RGPD2: variants seen among roughly 807,000 people sequenced by gnomAD.
RGPD2 encodes RANBP2-like and GRIP domain-containing protein 2.
Under a neutral mutation model 36.0 loss-of-function variants are expected in RGPD2, and 2 were observed. That is an observed-to-expected ratio of 0.06 (90% CI 0.02 to 0.17). The LOEUF (loss-of-function observed/expected upper bound fraction) is 0.17, where lower values mean the gene tolerates loss of function less well. Ranked by LOEUF, RGPD2 falls within the 10% of genes least tolerant of loss-of-function variation. The pLI, the probability that RGPD2 is intolerant of heterozygous loss-of-function variation, is 1.00. For synonymous variants in RGPD2, 19 were observed against 163.8 expected (o/e 0.12, Z 6.75); for missense variants, 40 against 464.3 (o/e 0.09, Z 8.40).
At chr2:87,853,099 C>T in the RGPD2 span, among the ~76,000 whole-genome samples, 2 of 152,306 alleles carry the variant, frequency 1.3e-5, no homozygotes, top group Non-Finnish European at 2.9e-5. Flanking sequence ...TCTGATGATT[C>T]ATTCCTGCCT....
chr2:87,879,268 C>T, the RGPD2 span, among the ~76,000 whole-genome samples: 3 of 151,760 alleles, frequency 2.0e-5, no homozygotes, highest in African/African-American at 4.8e-5. Context: ...GTATGCATCA[C>T]CTCAAGCATT....
chr2:87,827,483 G>A (rs1442265392), upstream of RGPD2, among the ~76,000 whole-genome samples: 1 of 140,464 alleles, frequency 7.1e-6, no homozygotes, highest in East Asian at 2.1e-4. Context: ...GGATAATAAA[G>A]TACCTTAACT....
the RGPD2 span, among the ~76,000 whole-genome samples, chr2:87,983,856 G>A: frequency 6.6e-6 from 1 of 152,198 alleles, no homozygotes; most frequent in South Asian, 2.1e-4. Context: ...CAGAGCTGAG[G>A]CCAATGTGGC....
chr2:87,983,118 G>C, the RGPD2 span, among the ~76,000 whole-genome samples: 3 of 148,958 alleles, frequency 2.0e-5, no homozygotes, highest in Admixed American at 6.7e-5. Context: ...TCAGGAGTTT[G>C]AAACCAGCAT....
the RGPD2 span, among the ~76,000 whole-genome samples, chr2:87,905,578 C>T: frequency 1.6e-4 from 24 of 151,730 alleles, no homozygotes; most frequent in Non-Finnish European, 3.1e-4. Context: ...AGTAAATTTA[C>T]AGAGCTGTAC....
At chr2:87,927,705 G>A in the RGPD2 span, among the ~76,000 whole-genome samples, 1 of 150,154 alleles carries the variant, frequency 6.7e-6, no homozygotes, top group Admixed American at 6.6e-5. Flanking sequence ...AAACAATTCT[G>A]TCTTTGGAAA....
At chr2:87,827,263 C>G (rs1410415081), upstream of RGPD2, among the ~76,000 whole-genome samples, 2 of 152,220 alleles carry the variant, frequency 1.3e-5, no homozygotes, top group African/African-American at 4.8e-5. Flanking sequence ...TCCTCTACCC[C>G]TTGAGGTTTA....
At chr2:87,885,896 C>T in the RGPD2 span, among the ~76,000 whole-genome samples, 1 of 151,968 alleles carries the variant, frequency 6.6e-6, no homozygotes, top group Admixed American at 6.6e-5. Context: ...GCTACCCCTG[C>T]TTCTTCCCTT....
chr2:87,886,169 G>A, the RGPD2 span, among the ~76,000 whole-genome samples: 3 of 151,388 alleles, frequency 2.0e-5, no homozygotes, highest in Admixed American at 2.0e-4. Context: ...TAATATTCTA[G>A]GCACGTTTCT....
chr2:87,957,236 T>TGGGG, the RGPD2 span, among the ~76,000 whole-genome samples: 3,602 of 115,772 alleles, frequency 0.031, 61 homozygotes, highest in Middle Eastern at 0.05. Context: ...ACAAGGTCAC[T>TGGGG]GGGGGGGGGC....
At chr2:87,824,485 T>C in intron 1 of RGPD2, among the ~76,000 whole-genome samples, 1 of 151,980 alleles carries the variant, frequency 6.6e-6, no homozygotes, top group Non-Finnish European at 1.5e-5. Context: ...AACCTCTTTA[T>C]ATTCTTCACA....
At chr2:87,809,409 C>T in intron 6 of RGPD2, among the ~76,000 whole-genome samples, 1 of 146,756 alleles carries the variant, frequency 6.8e-6, no homozygotes, top group South Asian at 2.3e-4. Flanking sequence ...TGGCTCACGC[C>T]TGTAATCCCA....
At chr2:87,857,805 G>A in the RGPD2 span, among the ~76,000 whole-genome samples, 17 of 143,784 alleles carry the variant, frequency 1.2e-4, no homozygotes, top group Non-Finnish European at 2.6e-4. Context: ...AAATTAGCAT[G>A]TTTTATGACT....
At chr2:87,861,677 A>C in the RGPD2 span, among the ~76,000 whole-genome samples, 2 of 151,562 alleles carry the variant, frequency 1.3e-5, no homozygotes, top group South Asian at 2.1e-4. Flanking sequence ...GGCCTCTTTG[A>C]TAGTTTGTCA....
the RGPD2 span, among the ~76,000 whole-genome samples, chr2:87,904,950 C>T: frequency 6.6e-5 from 10 of 151,274 alleles, no homozygotes; most frequent in South Asian, 2.1e-4. Flanking sequence ...AAGTTAGGAA[C>T]GCCTGAGAAA....
chr2:87,930,476 T>C, the RGPD2 span, among the ~76,000 whole-genome samples: 43 of 152,242 alleles, frequency 2.8e-4, no homozygotes, highest in African/African-American at 9.9e-4. Flanking sequence ...CTTGCCAGTA[T>C]TTTGCTGAGG....
chr2:87,932,622 AG>A, the RGPD2 span, among the ~76,000 whole-genome samples: 1 of 149,334 alleles, frequency 6.7e-6, no homozygotes. Context: ...TGATTTCTTC[AG>A]GAGCTCTTGT....
the RGPD2 span, among the ~76,000 whole-genome samples, chr2:87,878,609 T>C: frequency 6.6e-6 from 1 of 152,254 alleles, no homozygotes; most frequent in South Asian, 2.1e-4. Flanking sequence ...CTCTTTTAGG[T>C]ATTTTGAGAT....
At position 87,813,374 on chromosome 2, in the gene RGPD2, GACTC is replaced by G. The variant is rs1183365416; in HGVS notation, c.403-1172_403-1169del. 1.1e-4 allele frequency among the ~76,000 whole-genome samples: 16 copies of G among 150,726 alleles called. No homozygotes were observed. The South Asian group carries it at 1.7e-3, about 16-fold the overall frequency. ...ACAAAATGCCATTTTAGTACTAACA[GACTC>G]ACTTTCTCCACTCCCTGACACTTCA... On this transcript the variant is annotated intron_variant, in intron 4 of 22. Transcript: ENST00000398146.
Sources: gnomAD v4.1 joint callset for allele counts (sites outside exome capture counted in the v4.1 genomes callset) on GRCh38, gnomAD v4.1.1 for gene constraint, MANE v1.5 for transcripts, NCBI Gene and HGNC (gene_info 2026-07-23, HGNC 2026-07-21) for gene names.